Variants in BSCL2 observed in about 807,000 individuals in gnomAD.
BSCL2 encodes BSCL2 lipid droplet biogenesis associated, seipin.
In BSCL2, 41 loss-of-function variants were observed where a neutral mutation model predicts 57.4. The observed-to-expected ratio is 0.71, with a 90% confidence interval of 0.56 to 0.93. The LOEUF is 0.93. Ranked by LOEUF, BSCL2 falls within the 40% of genes least tolerant of loss-of-function variation. The probability of loss-of-function intolerance (pLI) is 0.00; values close to 1 mark genes in which losing one functional copy is unlikely to be tolerated. For synonymous variants in BSCL2, 237 were observed against 227.3 expected (o/e 1.04, Z -0.38); for missense variants, 539 against 586.7 (o/e 0.92, Z 0.84).
intron 3 of BSCL2, among the ~76,000 whole-genome samples, chr11:62,698,969 G>A (rs899440860): frequency 6.6e-5 from 10 of 152,016 alleles, no homozygotes; most frequent in African/African-American, 1.2e-4. Context: ...GCAGTGGCAC[G>A]ATCTCAGCTC....
intron 2 of BSCL2, among the ~76,000 whole-genome samples, chr11:62,704,704 C>T (rs971706778): frequency 3.9e-5 from 6 of 152,174 alleles, no homozygotes; most frequent in African/African-American, 1.4e-4. Flanking sequence ...AGACACTGCA[C>T]CACTGCACTC....
chr11:62,696,429 G>T (rs1945464144), intron 3 of BSCL2, among the ~76,000 whole-genome samples: 1 of 151,570 alleles, frequency 6.6e-6, no homozygotes, highest in Non-Finnish European at 1.5e-5. Context: ...AAGTACCTGG[G>T]ACCATACGGA....
At chr11:62,707,878 C>CCTACA (rs1401752565), upstream of BSCL2, 5 of 272,538 alleles carry the variant, frequency 1.8e-5, no homozygotes, top group African/African-American at 1.1e-4. Context: ...CTCCACTGAC[C>CCTACA]CTACACCCAG....
chr11:62,709,146 C>T (rs1262344086), upstream of BSCL2: 1 of 476,896 alleles, frequency 2.1e-6, no homozygotes, highest in South Asian at 1.6e-5. Flanking sequence ...CTCAGTCTCA[C>T]CTGGAGCTAC....
At position 62,692,592 on chromosome 11, in the gene BSCL2, C is replaced by A. The variant is rs1206575345; in HGVS notation, c.765+71G>T. 2.5e-6 allele frequency: 4 copies of A among 1,612,868 alleles called. No homozygotes were observed. The Admixed American group carries it at 5.0e-5, about 20-fold the overall frequency. On this transcript the variant is annotated intron_variant, in intron 5 of 10. Coordinates refer to ENST00000360796, the MANE Select transcript of BSCL2 (RefSeq NM_001122955.4). ...TTGTGATGTCTCCTGAGCCTGGAGG[C>A]TTCTCAGGTAGAATCCTGGGCTAAT... is the stretch of plus-strand genomic sequence containing the variant.
At chr11:62,704,855 TTA>T (rs915327087) in intron 2 of BSCL2, among the ~76,000 whole-genome samples, 7 of 152,218 alleles carry the variant, frequency 4.6e-5, no homozygotes, top group Admixed American at 1.3e-4. Flanking sequence ...CCTACTCATC[TTA>T]TGTTTCCATA....
At chr11:62,690,564 A>C in intron 10 of BSCL2, 43 bp from the exon 11 acceptor site, 1 of 1,614,048 alleles carries the variant, frequency 6.2e-7, no homozygotes, top group Non-Finnish European at 8.5e-7. Context: ...ATGGGATATT[A>C]GATTAACCGG....
rs2134740707 is a variant in BSCL2 at position 62,705,424 on chromosome 11, T to A, written c.281A>T (p.Gln94Leu). ...GATGGTGCAGAAGAGCACCCCAAAC[T>A]GCAGCAGCAGCCTGCGGGCACGGCC... is the stretch of plus-strand genomic sequence containing the variant. ...LAGRARRLLL[Q>L]FGVLFCTILL... The change falls in exon 2 of 11, where the codon CAG becomes CTG. Residue 94 changes from glutamine (Q) to leucine (L), a missense_variant. Transcript: ENST00000360796. 3 of 1,614,192 alleles carry A rather than the reference T, an allele frequency of 1.9e-6. No individual in the cohort carries two copies. The highest frequency in any genetic ancestry group is 2.5e-6 in the Non-Finnish European group (3 of 1,180,026).
At chr11:62,692,830 G>C (rs1321636978) in intron 4 of BSCL2, 33 bp from the exon 5 acceptor site, 1 of 1,611,296 alleles carries the variant, frequency 6.2e-7, no homozygotes, top group South Asian at 1.1e-5. Context: ...GCTGGGGACA[G>C]GTGCATGCCA....
Position 62,692,365 on chromosome 11 carries a change from T to C in BSCL2, c.863+11A>G. On this transcript the variant is annotated intron_variant, in intron 6 of 10. Coordinates refer to ENST00000360796, the MANE Select transcript of BSCL2 (RefSeq NM_001122955.4). ...AGAGTTGCCCAAGGTTCACTCCAGTTGGCCCCTCACCTGAGCCCAGTGAAG... is the reference window on the plus strand; with the variant it reads ...AGAGTTGCCCAAGGTTCACTCCAGTCGGCCCCTCACCTGAGCCCAGTGAAG... 1 of 1,613,872 alleles carries C rather than the reference T, an allele frequency of 6.2e-7. No individual in the cohort carries two copies. Among genetic ancestry groups the C allele is most frequent in the Non-Finnish European group, 8.5e-7 (1 of 1,179,804 alleles).
chr11:62,706,339 T>C, intron 1 of BSCL2: 1 of 1,116,202 alleles, frequency 9.0e-7, no homozygotes, highest in Non-Finnish European at 1.1e-6. Flanking sequence ...GCCGGCCGCT[T>C]TTGTAGCCGT....
At chr11:62,708,244 A>T, upstream of BSCL2, 4 of 1,174,102 alleles carry the variant, frequency 3.4e-6, no homozygotes, top group Non-Finnish European at 5.1e-6. Flanking sequence ...GTGAGCATGG[A>T]GGGGGGCCTC....
chr11:62,701,315 T>C (rs1368733112), intron 3 of BSCL2, among the ~76,000 whole-genome samples: 1 of 152,206 alleles, frequency 6.6e-6, no homozygotes, highest in Admixed American at 6.5e-5. Context: ...CAGTTTATGA[T>C]GGGGTTACAT....
At chr11:62,708,811 C>T (rs1483349697), upstream of BSCL2, 2 of 1,608,990 alleles carry the variant, frequency 1.2e-6, no homozygotes, top group Admixed American at 3.3e-5. Context: ...CTCTGAGCTC[C>T]CCTGTCCCTT....
At chr11:62,702,381 A>C in intron 3 of BSCL2, 87 bp downstream of exon 3, 3 of 1,207,618 alleles carry the variant, frequency 2.5e-6, no homozygotes, top group Non-Finnish European at 3.6e-6. Flanking sequence ...CTTATTACTC[A>C]ATTCCTTCTC....
intron 3 of BSCL2, among the ~76,000 whole-genome samples, chr11:62,702,133 C>A (rs2134728688): frequency 6.6e-6 from 1 of 151,124 alleles, no homozygotes; most frequent in South Asian, 2.1e-4. Flanking sequence ...ATGGCGTGAT[C>A]TCGGCTCACC....
chr11:62,703,415 G>A (rs868258351), intron 2 of BSCL2, among the ~76,000 whole-genome samples: 1 of 136,604 alleles, frequency 7.3e-6, no homozygotes, highest in African/African-American at 2.7e-5. Flanking sequence ...GCAGTGGCAC[G>A]ATCTCGGCTC....
intron 3 of BSCL2, among the ~76,000 whole-genome samples, chr11:62,700,201 A>G (rs1472800378): frequency 6.6e-6 from 1 of 151,344 alleles, no homozygotes; most frequent in Non-Finnish European, 1.5e-5. Context: ...TGATCGTATC[A>G]CTGCACTCCA....
intron 4 of BSCL2, among the ~76,000 whole-genome samples, 173 bp from the exon 5 acceptor site, chr11:62,692,970 G>C (rs1945352001): frequency 6.6e-6 from 1 of 152,002 alleles, no homozygotes. Context: ...CCAATTGCTT[G>C]AGTACCTCTC....
Sources: gnomAD v4.1 joint callset for allele counts (sites outside exome capture counted in the v4.1 genomes callset) on GRCh38, gnomAD v4.1.1 for gene constraint, MANE v1.5 for transcripts, NCBI Gene and HGNC (gene_info 2026-07-23, HGNC 2026-07-21) for gene names.